The following CCSER1 variants were observed in gnomAD, a reference collection of about 807,000 sequenced individuals.
CCSER1 encodes serine-rich coiled-coil domain-containing protein 1.
CCSER1 carries 41 observed loss-of-function variants against 82.0 expected under a neutral mutation model. The observed-to-expected ratio is 0.50, with a 90% CI of 0.39 to 0.65. The LOEUF (loss-of-function observed/expected upper bound fraction) is 0.65. CCSER1 is among the 30% of genes least tolerant of loss of function. CCSER1 has a pLI of 0.00. For missense variants in CCSER1, 1,119 were observed against 1,064.2 expected (o/e 1.05, Z -0.72); for synonymous variants, 414 against 383.9 (o/e 1.08, Z -0.92).
At chr4:90,504,694 CAAT>C (rs1299976020) in intron 5 of CCSER1, among the ~76,000 whole-genome samples, 3 of 151,828 alleles carry the variant, frequency 2.0e-5, no homozygotes, top group African/African-American at 7.3e-5. Flanking sequence ...AATAAAGTGA[CAAT>C]AAGAAAAATG....
At chr4:91,392,427 AT>A (rs1159109995) in intron 10 of CCSER1, among the ~76,000 whole-genome samples, 29 of 150,456 alleles carry the variant, frequency 1.9e-4, no homozygotes, top group East Asian at 7.9e-4. Flanking sequence ...TTCTTTTGTG[AT>A]TTTTTTTCCT....
chr4:91,244,217 T>C (rs531435939), intron 10 of CCSER1, among the ~76,000 whole-genome samples: 15 of 152,320 alleles, frequency 9.8e-5, no homozygotes, highest in South Asian at 4.1e-4. Context: ...GGACTTCGTA[T>C]TGTAGTGTAA....
At chr4:90,879,276 T>C (rs1029086327) in intron 8 of CCSER1, among the ~76,000 whole-genome samples, 1 of 152,162 alleles carries the variant, frequency 6.6e-6, no homozygotes, top group Non-Finnish European at 1.5e-5. Context: ...ATTAGGTTCC[T>C]TTTTATACTG....
intron 3 of CCSER1, among the ~76,000 whole-genome samples, chr4:90,363,917 A>G (rs1467373266): frequency 6.6e-6 from 1 of 152,078 alleles, no homozygotes; most frequent in Non-Finnish European, 1.5e-5. Context: ...GTGAATATTT[A>G]TGCTTTTGTG....
At chr4:91,135,654 A>G (rs911178879) in intron 10 of CCSER1, among the ~76,000 whole-genome samples, 1 of 152,164 alleles carries the variant, frequency 6.6e-6, no homozygotes, top group Non-Finnish European at 1.5e-5. Flanking sequence ...ACACCTACAC[A>G]TGCACACACA....
At chr4:90,227,290 G>A (rs917719451) in intron 1 of CCSER1, among the ~76,000 whole-genome samples, 3 of 152,320 alleles carry the variant, frequency 2.0e-5, no homozygotes, top group Middle Eastern at 3.4e-3. Context: ...AAAACTTAGT[G>A]TGTTTTACTG....
intron 9 of CCSER1, among the ~76,000 whole-genome samples, chr4:90,983,742 C>T (rs1008848216): frequency 6.6e-6 from 1 of 151,724 alleles, no homozygotes; most frequent in East Asian, 1.9e-4. Context: ...CACACTTAGT[C>T]TGTAATATGT....
At chr4:90,207,831 C>G (rs1578494786) in intron 1 of CCSER1, among the ~76,000 whole-genome samples, 1 of 152,184 alleles carries the variant, frequency 6.6e-6, no homozygotes, top group South Asian at 2.1e-4. Flanking sequence ...GTAGAGGCTG[C>G]AGAACAGCAA....
rs529979802 is a variant in CCSER1 at position 90,725,307 on chromosome 4, G to A, written c.2010+1316G>A. ...AAAATTAATGTATTTTTTAACAGAG[G>A]TTAAAAAAGGTTAGACATATTTCAG... On this transcript the variant is annotated intron_variant, in intron 7 of 10. Transcript: ENST00000509176. Among the ~76,000 whole-genome samples, 8 of 151,520 alleles carry A rather than the reference G, an allele frequency of 5.3e-5. No homozygotes were observed. The South Asian group carries it at 1.3e-3, about 24-fold the overall frequency.
rs932267269 is a variant in CCSER1, at chr4:90,414,161, G to A, written c.1603+14032G>A. On this transcript the variant is annotated intron_variant, in intron 4 of 10. Coordinates refer to ENST00000509176, the MANE Select transcript of CCSER1 (RefSeq NM_001145065.2). ...ATGAATTCAAAGTGAGTTCCTAAAA[G>A]GAGATAGCCTTGAGAGGAAAAAAAT... 4.0e-5 allele frequency among the ~76,000 whole-genome samples: 6 copies of A among 149,328 alleles called. No homozygotes were observed. The South Asian group carries it at 1.3e-3, about 32-fold the overall frequency.
At chr4:90,308,128 C>A in intron 1 of CCSER1, 116 bp from the exon 2 acceptor site, 2 of 728,168 alleles carry the variant, frequency 2.7e-6, no homozygotes, top group East Asian at 3.1e-5. Context: ...TGTTATTTAT[C>A]GTCTTAGTAT....
At chr4:91,189,534 T>C (rs1734835343) in intron 10 of CCSER1, among the ~76,000 whole-genome samples, 1 of 152,178 alleles carries the variant, frequency 6.6e-6, no homozygotes, top group African/African-American at 2.4e-5. Context: ...TGAATTAAAG[T>C]TGTTGGTGTA....
At chr4:90,476,502 A>G (rs1435294522) in intron 5 of CCSER1, among the ~76,000 whole-genome samples, 3 of 152,066 alleles carry the variant, frequency 2.0e-5, no homozygotes, top group Non-Finnish European at 4.4e-5. Context: ...ACTATGCTGT[A>G]TTACTGGTAC....
chr4:90,832,069 G>T (rs919655498), intron 8 of CCSER1, among the ~76,000 whole-genome samples: 7 of 147,890 alleles, frequency 4.7e-5, no homozygotes, highest in African/African-American at 1.7e-4. Context: ...CAAGCATCAG[G>T]TATTACTATG....
intron 10 of CCSER1, among the ~76,000 whole-genome samples, chr4:91,091,393 G>A (rs1313755297): frequency 6.6e-6 from 1 of 151,930 alleles, no homozygotes; most frequent in Non-Finnish European, 1.5e-5. Flanking sequence ...TGTTCCTTTT[G>A]GAATTACTAG....
At chr4:90,547,586 T>A (rs1003746760) in intron 5 of CCSER1, among the ~76,000 whole-genome samples, 1 of 152,098 alleles carries the variant, frequency 6.6e-6, no homozygotes, top group Non-Finnish European at 1.5e-5. Context: ...GAAAACATAC[T>A]CTATGTCTTA....
chr4:90,144,014 T>C (rs566430268), intron 1 of CCSER1, among the ~76,000 whole-genome samples: 1 of 152,304 alleles, frequency 6.6e-6, no homozygotes, highest in African/African-American at 2.4e-5. Flanking sequence ...TATCATCACA[T>C]TTCCTGGTCT....
chr4:90,383,953 G>T (rs1434252026), intron 3 of CCSER1, among the ~76,000 whole-genome samples: 2 of 151,446 alleles, frequency 1.3e-5, no homozygotes, highest in East Asian at 3.9e-4. Flanking sequence ...TGTAGAGACA[G>T]GGTCTTGCTA....
chr4:90,718,448 A>C (rs558764375), intron 6 of CCSER1, among the ~76,000 whole-genome samples: 168 of 152,266 alleles, frequency 1.1e-3, no homozygotes, highest in African/African-American at 4.0e-3. Flanking sequence ...TATAGCATTC[A>C]GTAAATATTA....
Sources: gnomAD v4.1 joint callset for allele counts (sites outside exome capture counted in the v4.1 genomes callset) on GRCh38, gnomAD v4.1.1 for gene constraint, MANE v1.5 for transcripts, NCBI Gene and HGNC (gene_info 2026-07-23, HGNC 2026-07-21) for gene names.